The following ABI3BP variants were observed in gnomAD, a reference collection of about 807,000 sequenced individuals.
ABI3BP encodes target of Nesh-SH3.
In ABI3BP, 216 loss-of-function variants were observed where a neutral mutation model predicts 268.6. The ratio of observed to expected loss-of-function variants is 0.80; its 90% CI spans 0.72 to 0.90. The LOEUF (loss-of-function observed/expected upper bound fraction) is 0.90. Among genes scored for constraint, ABI3BP ranks in the 40% least tolerant of loss-of-function variants. The pLI is 0.00. For missense variants in ABI3BP, 2,090 were observed against 2,182.4 expected (o/e 0.96, Z 0.84); for synonymous variants, 730 against 730.0 (o/e 1.00, Z 0.00).
intron 24 of ABI3BP, among the ~76,000 whole-genome samples, chr3:100,838,837 G>A (rs2098648041): frequency 6.6e-6 from 1 of 152,136 alleles, no homozygotes; most frequent in Non-Finnish European, 1.5e-5. Flanking sequence ...AGGCGATCTG[G>A]AAGTAATCCA....
At chr3:100,832,113 G>T in intron 31 of ABI3BP, 151 bp downstream of exon 31, 2 of 613,240 alleles carry the variant, frequency 3.3e-6, no homozygotes, top group Non-Finnish European at 5.4e-6. Flanking sequence ...AGCAAGAGAT[G>T]CTAAGCTATT....
intron 1 of ABI3BP, among the ~76,000 whole-genome samples, chr3:100,930,169 C>T (rs2063150462): frequency 6.6e-6 from 1 of 151,950 alleles, no homozygotes; most frequent in African/African-American, 2.4e-5. Context: ...ATGATACAAG[C>T]TTAACTAGTA....
chr3:100,878,769 C>T (rs906753746), intron 6 of ABI3BP, among the ~76,000 whole-genome samples: 2 of 110,322 alleles, frequency 1.8e-5, no homozygotes, highest in Admixed American at 1.1e-4. Context: ...AAGAGAAGCC[C>T]CACCAGCTTC....
At position 100,837,176 on chromosome 3, in the gene ABI3BP, A is replaced by G. The variant is rs772017405; in HGVS notation, c.2084-5T>C. 1 of 1,533,070 alleles carries G rather than the reference A, an allele frequency of 6.5e-7. No individual in the cohort carries two copies. The highest frequency in any genetic ancestry group is 1.2e-5 in the South Asian group (1 of 83,484). 95.0% of individuals were successfully genotyped at this position (1,533,070 alleles called of 1,614,324 possible). A position where few individuals can be genotyped will look rare whatever the true frequency, so the allele number is the denominator to read the frequency against. On this transcript the variant is annotated splice_region_variant and splice_polypyrimidine_tract_variant and intron_variant, in intron 26 of 67. Transcript: ENST00000471714. ...CAAATGGAACAGGCTCAGAGACTGC[A>G]TCATAAAAAATAAACAGATATAAGT...
At chr3:100,912,405 C>T (rs923132380) in intron 2 of ABI3BP, among the ~76,000 whole-genome samples, 2 of 149,910 alleles carry the variant, frequency 1.3e-5, no homozygotes, top group African/African-American at 4.9e-5. Context: ...CATTAATTAG[C>T]AACTTGTTTC....
intron 7 of ABI3BP, 58 bp downstream of exon 7, chr3:100,876,454 C>A: frequency 1.4e-6 from 2 of 1,436,696 alleles, no homozygotes; most frequent in Non-Finnish European, 1.9e-6. Flanking sequence ...GTTTGATTAC[C>A]TTAGCTAAAA....
chr3:100,768,083 G>C (rs1199515556), intron 62 of ABI3BP, among the ~76,000 whole-genome samples: 2 of 108,720 alleles, frequency 1.8e-5, no homozygotes, highest in East Asian at 5.0e-4. Context: ...TTTGGCTCAA[G>C]TTTTTTTTTT....
At chr3:100,840,035 C>A in intron 23 of ABI3BP, 37 bp downstream of exon 23, 2 of 1,372,154 alleles carry the variant, frequency 1.5e-6, no homozygotes, top group African/African-American at 1.5e-5. Context: ...CCATATTCCA[C>A]TTTCTATGTT....
intron 28 of ABI3BP, 69 bp from the exon 29 acceptor site, chr3:100,834,842 C>G: frequency 1.4e-5 from 20 of 1,394,018 alleles, no homozygotes; most frequent in Non-Finnish European, 1.8e-5. Context: ...ACACATGGTT[C>G]TAGGTTTTCT....
At chr3:100,854,504 G>C (rs947461193) in intron 14 of ABI3BP, among the ~76,000 whole-genome samples, 1 of 152,186 alleles carries the variant, frequency 6.6e-6, no homozygotes, top group Non-Finnish European at 1.5e-5. Flanking sequence ...TCATGAAATT[G>C]TTAGGCCTGG....
chr3:100,834,907 A>T, intron 28 of ABI3BP, 134 bp from the exon 29 acceptor site: 1 of 753,000 alleles, frequency 1.3e-6, no homozygotes, highest in Admixed American at 2.8e-5. Flanking sequence ...TTTTCTTCTG[A>T]TCATCTATAT....
At chr3:100,942,308 A>G (rs2069710343) in intron 1 of ABI3BP, among the ~76,000 whole-genome samples, 1 of 152,166 alleles carries the variant, frequency 6.6e-6, no homozygotes, top group Non-Finnish European at 1.5e-5. Context: ...AAGAAAGAAT[A>G]TATATAGAAA....
Position 100,823,509 on chromosome 3 carries a change from C to T in ABI3BP, c.2752G>A (p.Ala918Thr), listed in dbSNP as rs949175777. ...AGAGTGACAGGTTCTAGGACTGTAG[C>T]AGGAACTGACCAAAACAACATGTAA... Reference protein sequence around the residue: ...PQAPETKPVPATVLEPVTLRP... With the variant: ...PQAPETKPVPTTVLEPVTLRP... Residue 918 changes from alanine to threonine, a missense_variant, in exon 37 of 68, where the codon GCT becomes ACT. Transcript: ENST00000471714. 6.5e-7 allele frequency: 1 copy of T among 1,532,390 alleles called. No individual in the cohort carries two copies. The highest frequency in any genetic ancestry group is 1.2e-5 in the South Asian group (1 of 83,356). The allele number at this position is 1,532,390 out of a possible 1,614,324, so 94.9% of individuals were successfully genotyped here. A position where few individuals can be genotyped will look rare whatever the true frequency, so the allele number is the denominator to read the frequency against.
intron 1 of ABI3BP, among the ~76,000 whole-genome samples, chr3:100,956,527 G>A (rs1046547131): frequency 3.3e-5 from 5 of 152,178 alleles, no homozygotes; most frequent in African/African-American, 9.7e-5. Flanking sequence ...GGTCTTGAGT[G>A]ACTACAAAGA....
At chr3:100,894,938 CAAAAAAAA>C (rs58342344) in intron 4 of ABI3BP, among the ~76,000 whole-genome samples, 56 of 37,708 alleles carry the variant, frequency 1.5e-3, no homozygotes, top group East Asian at 6.3e-3. Context: ...GATTCCGCTT[CAAAAAAAA>C]AAAAAAAAAA....
At chr3:100,986,378 A>G (rs936746621) in intron 1 of ABI3BP, among the ~76,000 whole-genome samples, 2 of 152,218 alleles carry the variant, frequency 1.3e-5, no homozygotes, top group Non-Finnish European at 2.9e-5. Context: ...CAGCTAAACC[A>G]GGCTCAGACT....
intron 1 of ABI3BP, among the ~76,000 whole-genome samples, chr3:100,984,950 C>T (rs2091139384): frequency 1.3e-5 from 2 of 151,982 alleles, no homozygotes; most frequent in South Asian, 4.2e-4. Context: ...ATTTTCTTTC[C>T]TGAGAGCATA....
Position 100,789,497 on chromosome 3 carries a change from A to G in ABI3BP, c.4044T>C (p.Thr1348=). ...KTTQAPHRFY[T]TVRPRTSDKP... ...TGTCAGATGTTCTGGGCCTCACAGT[A>G]GTATAAAATCTGTGTGGCGCTGAAA... Residue 1348 remains threonine, a synonymous_variant, in exon 56 of 68, where the codon ACT becomes ACC. Coordinates refer to ENST00000471714, the MANE Select transcript of ABI3BP (RefSeq NM_001375547.2). 6.3e-7 allele frequency: 1 copy of G among 1,598,188 alleles called. No homozygotes were observed.
At chr3:100,811,897 T>A in intron 46 of ABI3BP, 98 bp from the exon 47 acceptor site, 1 of 854,188 alleles carries the variant, frequency 1.2e-6, no homozygotes, top group Non-Finnish European at 1.9e-6. Flanking sequence ...TGAGCTATCT[T>A]AAGCAGATAT....
Sources: allele counts gnomAD v4.1 joint callset (sites outside exome capture counted in the v4.1 genomes callset), GRCh38; gene constraint gnomAD v4.1.1; transcripts MANE v1.5; gene names NCBI Gene and HGNC (gene_info 2026-07-23, HGNC 2026-07-21).